Variants in SMYD3 observed in about 807,000 individuals in gnomAD.
SMYD3 encodes the protein SET and MYND domain containing 3, also known as histone-lysine N-methyltransferase SMYD3.
SMYD3 carries 36 observed loss-of-function variants against 57.7 expected under a neutral mutation model. That is an observed-to-expected ratio of 0.62 (90% CI 0.48 to 0.82). The LOEUF is 0.82. Among genes scored for constraint, SMYD3 ranks in the 40% least tolerant of loss-of-function variants. SMYD3 has a pLI of 0.00. For missense variants in SMYD3, 515 were observed against 538.8 expected (o/e 0.96, Z 0.44); for synonymous variants, 211 against 195.0 (o/e 1.08, Z -0.68).
At chr1:246,495,301 A>T (rs2068341358) in intron 1 of SMYD3, among the ~76,000 whole-genome samples, 1 of 143,424 alleles carries the variant, frequency 7.0e-6, no homozygotes, top group South Asian at 2.2e-4. Context: ...GTGAGCCGAG[A>T]TCATGCCACT....
At chr1:246,041,446 C>T (rs2059870443) in intron 5 of SMYD3, among the ~76,000 whole-genome samples, 1 of 152,158 alleles carries the variant, frequency 6.6e-6, no homozygotes, top group African/African-American at 2.4e-5. Flanking sequence ...TACATAACAG[C>T]ATTCTGAAGT....
At chr1:245,876,874 C>T (rs966053890) in intron 8 of SMYD3, among the ~76,000 whole-genome samples, 3 of 152,012 alleles carry the variant, frequency 2.0e-5, no homozygotes, top group African/African-American at 7.3e-5. Context: ...CTCTGCCTGG[C>T]CAGGATTTAG....
chr1:246,191,142 G>C (rs2062731979), intron 5 of SMYD3, among the ~76,000 whole-genome samples: 1 of 152,198 alleles, frequency 6.6e-6, no homozygotes, highest in Non-Finnish European at 1.5e-5. Context: ...CAATGTTTTG[G>C]TACCAATTAA....
intron 7 of SMYD3, among the ~76,000 whole-genome samples, chr1:245,924,127 C>T (rs2056189961): frequency 1.3e-5 from 2 of 152,196 alleles, no homozygotes; most frequent in South Asian, 4.1e-4. Context: ...CCAGGAACTA[C>T]CATAAGACTG....
At chr1:246,142,876 T>C (rs2061780316) in intron 5 of SMYD3, among the ~76,000 whole-genome samples, 1 of 152,120 alleles carries the variant, frequency 6.6e-6, no homozygotes, top group African/African-American at 2.4e-5. Context: ...TGAAGACAAG[T>C]AAGAAGGGCT....
At chr1:246,391,023 A>C (rs2066554040) in intron 1 of SMYD3, among the ~76,000 whole-genome samples, 1 of 152,186 alleles carries the variant, frequency 6.6e-6, no homozygotes, top group South Asian at 2.1e-4. Context: ...ACCATATCCA[A>C]AATTACATTA....
Position 245,840,120 on chromosome 1 carries a change from AAC to A in SMYD3, c.1076+18374_1076+18375del, listed in dbSNP as rs1467775944. On this transcript the variant is annotated intron_variant, in intron 10 of 11. Transcript: ENST00000490107. ...CACTTTCAGAGTGAAAGAACAGAAAAACAGAGGAAATAAAATTAAAAAGGAAA... is the reference window on the plus strand; with the variant it reads ...CACTTTCAGAGTGAAAGAACAGAAAAAGAGGAAATAAAATTAAAAAGGAAA... Among the ~76,000 whole-genome samples the A allele has an allele frequency of 6.6e-5, 10 of 152,292 alleles. No homozygotes were observed. The East Asian group carries it at 1.9e-3, about 29-fold the overall frequency.
chr1:246,481,629 T>TATATATAC lies in SMYD3; in HGVS notation c.164+25424_164+25425insGTATATAT, dbSNP rs1409036764. ...ATATACACATACATATATACATACATACATACACATATTCATATATGATCA... is the reference window on the plus strand; with the variant it reads ...ATATACACATACATATATACATACATATATATACACATACACATATTCATATATGATCA... On this transcript the variant is annotated intron_variant, in intron 1 of 11. Transcript: ENST00000490107. Among the ~76,000 whole-genome samples the TATATATAC allele has an allele frequency of 4.8e-5, 5 of 104,400 alleles. 1 individual carries two copies. The highest frequency in any genetic ancestry group is 2.1e-4 in the African/African-American group (5 of 23,674). The allele number at this position is 104,400 out of a possible 152,430, so 68.5% of individuals were successfully genotyped here.
At chr1:246,062,323 G>C (rs957000206) in intron 5 of SMYD3, among the ~76,000 whole-genome samples, 8 of 152,140 alleles carry the variant, frequency 5.3e-5, no homozygotes, top group African/African-American at 1.9e-4. Context: ...TGGCCTTTCT[G>C]CGAGAAAAAA....
chr1:246,252,803 A>ATT (rs2063817750), intron 5 of SMYD3, among the ~76,000 whole-genome samples: 1 of 152,212 alleles, frequency 6.6e-6, no homozygotes, highest in Non-Finnish European at 1.5e-5. Flanking sequence ...AACACTTAAT[A>ATT]ATCACATTTA....
At chr1:246,169,827 C>G (rs1028259637) in intron 5 of SMYD3, among the ~76,000 whole-genome samples, 1 of 151,646 alleles carries the variant, frequency 6.6e-6, no homozygotes, top group Non-Finnish European at 1.5e-5. Flanking sequence ...TCGCTTGAAC[C>G]CAGGAGGTGA....
intron 2 of SMYD3, among the ~76,000 whole-genome samples, chr1:246,343,987 T>C (rs970858628): frequency 1.3e-5 from 2 of 152,222 alleles, no homozygotes; most frequent in African/African-American, 4.8e-5. Flanking sequence ...AAGTAATTAC[T>C]TTTAATGGCA....
rs186337929 is a variant in SMYD3 at position 246,235,046 on chromosome 1, T to C, written c.531+92155A>G. 7.2e-5 allele frequency among the ~76,000 whole-genome samples: 11 copies of C among 152,332 alleles called. No homozygotes were observed. In the East Asian group the frequency reaches 1.5e-3, roughly 21 times the overall value. ...TACAACATGGAATCACGTTTTACTT[T>C]GCATTAGGTTCCTATGCTCCTAGTA... On this transcript the variant is annotated intron_variant, in intron 5 of 11. Transcript: ENST00000490107.
At chr1:246,120,813 A>G (rs575157259) in intron 5 of SMYD3, among the ~76,000 whole-genome samples, 2 of 152,150 alleles carry the variant, frequency 1.3e-5, no homozygotes, top group African/African-American at 2.4e-5. Context: ...AGTTATGTAC[A>G]CATCTGTCTT....
At chr1:245,924,853 G>A (rs766975283) in intron 7 of SMYD3, among the ~76,000 whole-genome samples, 6 of 151,766 alleles carry the variant, frequency 4.0e-5, no homozygotes, top group Non-Finnish European at 8.8e-5. Flanking sequence ...TAGTAGAGAC[G>A]GGGTTTCACC....
chr1:246,288,176 C>T (rs111253424), intron 5 of SMYD3, among the ~76,000 whole-genome samples: 5,964 of 145,110 alleles, frequency 0.041, 402 homozygotes, highest in African/African-American at 0.15. Context: ...CAAGTTCAAG[C>T]GATTCTTCTG....
At chr1:246,365,357 T>C (rs2066081380) in intron 1 of SMYD3, among the ~76,000 whole-genome samples, 1 of 150,990 alleles carries the variant, frequency 6.6e-6, no homozygotes, top group Non-Finnish European at 1.5e-5. Context: ...TAGCCAGGCA[T>C]GGTGTCACAA....
chr1:245,937,822 G>A (rs1194846626), intron 5 of SMYD3, among the ~76,000 whole-genome samples: 1 of 152,226 alleles, frequency 6.6e-6, no homozygotes, highest in East Asian at 1.9e-4. Flanking sequence ...AGTAAGTGGT[G>A]TGGAAATCCA....
At chr1:246,379,401 T>C (rs570351549) in intron 1 of SMYD3, among the ~76,000 whole-genome samples, 2 of 152,286 alleles carry the variant, frequency 1.3e-5, no homozygotes, top group South Asian at 4.1e-4. Context: ...ATTTGAAATA[T>C]CTTAGAACTA....
Sources: gnomAD v4.1 joint callset for allele counts (sites outside exome capture counted in the v4.1 genomes callset) on GRCh38, gnomAD v4.1.1 for gene constraint, MANE v1.5 for transcripts, NCBI Gene and HGNC (gene_info 2026-07-23, HGNC 2026-07-21) for gene names.